ZNF705A: variants seen among roughly 807,000 people sequenced by gnomAD.
ZNF705A encodes zinc finger protein 705A.
In ZNF705A, 8 loss-of-function variants were observed where a neutral mutation model predicts 16.6. That is an observed-to-expected ratio of 0.48 (90% CI 0.28 to 0.87). The LOEUF is 0.87. Among genes scored for constraint, ZNF705A ranks in the 40% least tolerant of loss-of-function variants. ZNF705A has a pLI of 0.10. For missense variants in ZNF705A, 233 were observed against 359.9 expected (o/e 0.65, Z 2.85); for synonymous variants, 73 against 117.3 (o/e 0.62, Z 2.44).
At chr12:8,174,736 C>T (rs1362918831) in intron 2 of ZNF705A, among the ~76,000 whole-genome samples, 16 of 151,916 alleles carry the variant, frequency 1.1e-4, no homozygotes, top group African/African-American at 2.7e-4. Context: ...GGGAACTTAA[C>T]GAATATTTTC....
At chr12:8,158,757 C>G (rs1023524582) in intron 1 of ZNF705A, among the ~76,000 whole-genome samples, 1 of 151,962 alleles carries the variant, frequency 6.6e-6, no homozygotes, top group Non-Finnish European at 1.5e-5. Flanking sequence ...GTTTTTTTCT[C>G]TGGATATGAT....
chr12:8,157,790 A>G (rs1365535430), intron 1 of ZNF705A, among the ~76,000 whole-genome samples: 2 of 152,178 alleles, frequency 1.3e-5, no homozygotes, highest in African/African-American at 4.8e-5. Flanking sequence ...ATGTTGACCT[A>G]AAAGGAAGGG....
At chr12:8,160,971 A>G (rs1275363073) in intron 1 of ZNF705A, among the ~76,000 whole-genome samples, 1 of 152,070 alleles carries the variant, frequency 6.6e-6, no homozygotes, top group Non-Finnish European at 1.5e-5. Flanking sequence ...TTTGTCATAG[A>G]TGGCTTTTAT....
upstream of ZNF705A, among the ~76,000 whole-genome samples, chr12:8,167,848 A>T (rs1369179826): frequency 1.3e-5 from 2 of 152,226 alleles, no homozygotes; most frequent in Non-Finnish European, 2.9e-5. Context: ...AAGTTTATTT[A>T]AAAAGGCTTT....
chr12:8,169,068 G>A, upstream of ZNF705A, among the ~76,000 whole-genome samples: 1 of 152,004 alleles, frequency 6.6e-6, no homozygotes, highest in Non-Finnish European at 1.5e-5. Context: ...ATTTTCAGAT[G>A]TTAGATTCTG....
upstream of ZNF705A, among the ~76,000 whole-genome samples, chr12:8,168,030 T>G (rs145025895): frequency 1.2e-3 from 182 of 152,356 alleles, no homozygotes; most frequent in African/African-American, 3.6e-3. Context: ...CCTTACCCTT[T>G]GAAATTGAGC....
chr12:8,163,009 G>T (rs10770268), intron 1 of ZNF705A, among the ~76,000 whole-genome samples: 71,383 of 151,964 alleles, frequency 0.47, 16,980 homozygotes, highest in South Asian at 0.6. Context: ...ACTGAGGAGG[G>T]AGTTGAATCA....
chr12:8,169,318 T>C (rs1396456911), upstream of ZNF705A, among the ~76,000 whole-genome samples: 1 of 152,216 alleles, frequency 6.6e-6, no homozygotes, highest in African/African-American at 2.4e-5. Flanking sequence ...TTTGAATATA[T>C]TGGATGTTGG....
At chr12:8,169,725 G>C (rs1196635262), upstream of ZNF705A, among the ~76,000 whole-genome samples, 1 of 152,226 alleles carries the variant, frequency 6.6e-6, no homozygotes, top group African/African-American at 2.4e-5. Flanking sequence ...ACATGGTTTT[G>C]TTGTCCAGGA....
intron 1 of ZNF705A, among the ~76,000 whole-genome samples, chr12:8,160,562 GTA>G (rs1270771428): frequency 6.3e-5 from 7 of 111,520 alleles, no homozygotes; most frequent in East Asian, 2.6e-4. Context: ...ATATTTCTAA[GTA>G]TTTTTTTTTT....
exon 4 of ZNF705A, chr12:8,175,880 A>G: frequency 6.2e-7 from 1 of 1,611,498 alleles, no homozygotes; most frequent in Non-Finnish European, 8.5e-7. Flanking sequence ...TGCCCTTAAG[A>G]AAAAACACAT....
upstream of ZNF705A, chr12:8,172,524 G>A (rs1462425938): frequency 2.4e-5 from 36 of 1,509,532 alleles, no homozygotes; most frequent in East Asian, 8.1e-4. Context: ...GCACAAGACT[G>A]CTGTCTCACA....
At chr12:8,157,528 G>A (rs945303779) in intron 1 of ZNF705A, among the ~76,000 whole-genome samples, 1 of 152,084 alleles carries the variant, frequency 6.6e-6, no homozygotes, top group Non-Finnish European at 1.5e-5. Flanking sequence ...TGGAAATAAT[G>A]AGAACATTTG....
chr12:8,161,854 C>T (rs1948358479), intron 1 of ZNF705A, among the ~76,000 whole-genome samples: 1 of 152,104 alleles, frequency 6.6e-6, no homozygotes, highest in Non-Finnish European at 1.5e-5. Context: ...GTGGATGGCC[C>T]AAATGCATTC....
exon 5 of ZNF705A, chr12:8,177,838 T>A: frequency 1.6e-6 from 1 of 619,112 alleles, no homozygotes; most frequent in Non-Finnish European, 2.8e-6. Flanking sequence ...AATACTGGAA[T>A]CAACATGGAA....
chr12:8,164,680 G>T (rs1490217652), intron 1 of ZNF705A, among the ~76,000 whole-genome samples: 2 of 152,082 alleles, frequency 1.3e-5, no homozygotes, highest in Non-Finnish European at 2.9e-5. Flanking sequence ...CCTTTTTATG[G>T]CTGCATAGTA....
intron 1 of ZNF705A, among the ~76,000 whole-genome samples, chr12:8,164,507 C>T (rs1008692924): frequency 1.3e-5 from 2 of 152,162 alleles, no homozygotes; most frequent in Non-Finnish European, 2.9e-5. Context: ...CCCAACAGGC[C>T]CCAGTGTGTG....
Position 8,166,772 on chromosome 12 carries a change from G to A in ZNF705A, c.-71-5783G>A, listed in dbSNP as rs1282003454. Among the ~76,000 whole-genome samples the A allele has an allele frequency of 2.0e-5, 3 of 152,356 alleles. No homozygotes were observed. In the East Asian group the frequency reaches 5.8e-4, roughly 29 times the overall value. On this transcript the variant is annotated intron_variant, in intron 1 of 5. Coordinates refer to the ZNF705A transcript ENST00000396570. The stretch of plus-strand genomic sequence containing the variant: ...TGGGGCCCTTTTAGCCATGGCTGGA[G>A]CTGGAGTGGCTGAGACCTAGAATGC...
intron 1 of ZNF705A, among the ~76,000 whole-genome samples, chr12:8,158,954 A>G (rs1384974789): frequency 6.6e-6 from 1 of 151,962 alleles, no homozygotes; most frequent in Non-Finnish European, 1.5e-5. Context: ...GTAGCCTTTT[A>G]TCCTTTGTCC....
Sources: gnomAD v4.1 joint callset for allele counts (sites outside exome capture counted in the v4.1 genomes callset) on GRCh38, gnomAD v4.1.1 for gene constraint, MANE v1.5 for transcripts, NCBI Gene and HGNC (gene_info 2026-07-23, HGNC 2026-07-21) for gene names.